Variants in RYR1 observed in about 807,000 individuals in gnomAD.
RYR1 encodes central core disease of muscle.
RYR1 carries 342 observed loss-of-function variants against 583.5 expected under a neutral mutation model. That is an observed-to-expected ratio of 0.59 (90% CI 0.54 to 0.64). The LOEUF is 0.64. RYR1 is among the 30% of genes least tolerant of loss of function. The pLI is 0.00. For synonymous variants in RYR1, 2,791 were observed against 2,822.5 expected, an observed-to-expected ratio of 0.99 and a Z score of 0.35; for missense variants, 6,032 against 6,917.2, an observed-to-expected ratio of 0.87 and a Z score of 4.54.
chr19:38,514,933 C>G, intron 63 of RYR1, 93 bp from the exon 64 acceptor site: 1 of 820,556 alleles, frequency 1.2e-6, no homozygotes, highest in South Asian at 1.4e-5. Context: ...TTGCTCTTCC[C>G]CACTGCATGG....
At position 38,483,405 on chromosome 19, in the gene RYR1, C is replaced by T; in HGVS notation, c.4823C>T (p.Pro1608Leu). ...MLMPVSWSRM[P>L]NHFLQVETRR... The stretch of plus-strand genomic sequence containing the variant: ...ATGCCAGTGTCCTGGAGCCGCATGC[C>T]CAACCACTTCCTGCAGGTGGAGACG... The change falls in exon 33 of 106, where the codon CCC becomes CTC. Residue 1608 changes from proline (P) to leucine (L), a missense_variant. Around this residue, in one of 11 missense-constraint regions of RYR1, gnomAD observed 2,627 missense variants for 2,961.3 expected, o/e 0.89. Coordinates refer to ENST00000359596, the MANE Select transcript of RYR1 (RefSeq NM_000540.3). This position sits in a 1 kb window ranked among gnomAD's most constrained non-coding sequence, Gnocchi z 6.3. The T allele has an allele frequency of 6.4e-7, 1 of 1,574,108 alleles. No individual in the cohort carries two copies. The highest frequency in any genetic ancestry group is 8.6e-7 in the Non-Finnish European group (1 of 1,161,208).
At chr19:38,525,076 C>T (rs1971406230) in intron 70 of RYR1, among the ~76,000 whole-genome samples, 1 of 152,086 alleles carries the variant, frequency 6.6e-6, no homozygotes, top group Admixed American at 6.6e-5. Context: ...GACACCATCT[C>T]TAAAAATAAA....
chr19:38,433,869 C>A lies in RYR1; in HGVS notation c.40C>A (p.Arg14=), dbSNP rs200665559. 3 of 1,613,040 alleles carry A rather than the reference C, an allele frequency of 1.9e-6. No individual in the cohort carries two copies. The highest frequency in any genetic ancestry group is 2.5e-6 in the Non-Finnish European group (3 of 1,179,374). The change falls in exon 1 of 106, where the codon CGG becomes AGG. Residue 14 remains arginine (R), a synonymous_variant. Coordinates refer to ENST00000359596, the MANE Select transcript of RYR1 (RefSeq NM_000540.3). ...AGGCGAAGACGAGGTCCAGTTCCTG[C>A]GGACGGTGCGTATCTCTGGGTTAGG... is the stretch of plus-strand genomic sequence containing the variant. ...AEGEDEVQFL[R]TDDEVVLQCS...
At chr19:38,525,238 C>T in intron 70 of RYR1, 94 bp from the exon 71 acceptor site, 1 of 1,497,208 alleles carries the variant, frequency 6.7e-7, no homozygotes, top group East Asian at 2.3e-5. Context: ...GCCTGGTGTC[C>T]AGACTGGGGC....
chr19:38,553,023 TACTC>T lies in RYR1; in HGVS notation c.12282+4606_12282+4609del, dbSNP rs1337888555. On this transcript the variant is annotated intron_variant, in intron 89 of 105. Coordinates refer to ENST00000359596, the MANE Select transcript of RYR1 (RefSeq NM_000540.3). ...TCATTTTATTTTTTGAATATATAAT[TACTC>T]ACGATTTTAAAAATCAAAATATAGG... Among the ~76,000 whole-genome samples, 20 of 152,222 alleles carry T rather than the reference TACTC, an allele frequency of 1.3e-4. No individual in the cohort carries two copies. In the South Asian group the frequency reaches 3.9e-3, roughly 30 times the overall value.
intron 78 of RYR1, among the ~76,000 whole-genome samples, chr19:38,533,800 G>T (rs927613929): frequency 6.1e-5 from 9 of 147,890 alleles, no homozygotes; most frequent in Non-Finnish European, 8.9e-5. Context: ...AAAAAAAAAA[G>T]ATCTAGCAGT....
intron 81 of RYR1, 168 bp from the exon 82 acceptor site, chr19:38,535,829 T>C: frequency 1.4e-6 from 1 of 720,500 alleles, no homozygotes; most frequent in Admixed American, 2.0e-5. Context: ...GGCCCAACCA[T>C]ATGTCCTAGC....
Position 38,496,814 on chromosome 19 carries a change from G to C in RYR1, c.6797-46G>C. 2 of 1,564,682 alleles carry C rather than the reference G, an allele frequency of 1.3e-6. No individual in the cohort carries two copies. Among genetic ancestry groups the C allele is most frequent in the Non-Finnish European group, 1.8e-6 (2 of 1,136,050 alleles). Reference sequence around the variant, plus strand: ...TCAGGGAGGGCTTCCCAGAGGAGGCGAGACAAGCAGGAGTGAGATGTTCTC... The same window carrying C: ...TCAGGGAGGGCTTCCCAGAGGAGGCCAGACAAGCAGGAGTGAGATGTTCTC... On this transcript the variant is annotated intron_variant, in intron 41 of 105. Coordinates refer to ENST00000359596, the MANE Select transcript of RYR1 (RefSeq NM_000540.3). This position sits in a 1 kb window ranked among gnomAD's most constrained non-coding sequence, Gnocchi z 4.8.
rs1413644550 is a variant in RYR1 at position 38,565,502 on chromosome 19, G to C, written c.13168G>C (p.Glu4390Gln). 6.1e-5 allele frequency: 92 copies of C among 1,504,678 alleles called. No individual in the cohort carries two copies. Among genetic ancestry groups the C allele is most frequent in the Non-Finnish European group, 7.1e-5 (80 of 1,134,298 alleles). The allele number at this position is 1,504,678 out of a possible 1,614,324, so 93.2% of individuals were successfully genotyped here. A position where few individuals can be genotyped will look rare whatever the true frequency, so the allele number is the denominator to read the frequency against. ...LAGMPDPTSD[E>Q]VHGEQPAGPG... is the part of the protein sequence containing the mutation. ...AGGCATGCCCGACCCCACCAGCGAC[G>C]AGGTGCACGGCGAGCAGCCGGCCGG... The change falls in exon 91 of 106, where the codon GAG becomes CAG. Residue 4390 changes from glutamate to glutamine, a missense_variant. Physicochemically the swap from Glu to Gln is conservative, Grantham distance 29. Transcript: ENST00000359596. The surrounding 1 kb of genome is among the most constrained non-coding windows in gnomAD (Gnocchi z 4.7).
intron 64 of RYR1, 112 bp downstream of exon 64, chr19:38,515,219 G>T: frequency 2.3e-6 from 2 of 855,166 alleles, no homozygotes; most frequent in South Asian, 1.4e-5. Flanking sequence ...GAATTTTCCC[G>T]CACACGGCGG....
At chr19:38,484,794 C>T (rs1316451910) in intron 33 of RYR1, among the ~76,000 whole-genome samples, 1 of 152,054 alleles carries the variant, frequency 6.6e-6, no homozygotes, top group South Asian at 2.1e-4. Context: ...ACAGTGAGAA[C>T]CCGTCTCCAC....
At position 38,451,894 on chromosome 19, in the gene RYR1, C is replaced by T; in HGVS notation, c.1244+9C>T. On this transcript the variant is annotated intron_variant, in intron 12 of 105. Coordinates refer to ENST00000359596, the MANE Select transcript of RYR1 (RefSeq NM_000540.3). ...TACAACCAGTTCATCAAGTGAGCAA[C>T]CTGCCCTCCCTGCTGGGGTGACTCC... 6.2e-7 allele frequency: 1 copy of T among 1,614,080 alleles called. No individual in the cohort carries two copies. The highest frequency in any genetic ancestry group is 8.5e-7 in the Non-Finnish European group (1 of 1,179,970).
At chr19:38,534,579 C>T in intron 78 of RYR1, 141 bp from the exon 79 acceptor site, 2 of 744,990 alleles carry the variant, frequency 2.7e-6, no homozygotes, top group Non-Finnish European at 2.4e-6. Flanking sequence ...GGTGTGAGCC[C>T]CAGGGGATGG....
intron 99 of RYR1, among the ~76,000 whole-genome samples, chr19:38,579,192 G>A (rs374634063): frequency 5.9e-5 from 9 of 152,212 alleles, no homozygotes; most frequent in African/African-American, 2.2e-4. Flanking sequence ...TTGGGAGGCC[G>A]AGGTGGGTGG....
intron 81 of RYR1, 73 bp from the exon 82 acceptor site, chr19:38,535,924 G>C (rs1971942611): frequency 2.9e-6 from 4 of 1,378,824 alleles, no homozygotes; most frequent in South Asian, 1.2e-5. Context: ...ATGGTGGGGA[G>C]CTGCCAGGCC....
In RYR1 at chr19:38,444,752, C is replaced by A; in HGVS notation, c.631+75C>A. 2 of 1,141,086 alleles carry A rather than the reference C, an allele frequency of 1.8e-6. No homozygotes were observed. The highest frequency in any genetic ancestry group is 1.3e-6 in the Non-Finnish European group (1 of 769,374). 70.7% of individuals were successfully genotyped at this position (1,141,086 alleles called of 1,614,324 possible). ...CTTAATGTTGCCCTTCAGGCATACC[C>A]AAATGGAGCCTTGGAACCTCAGACC... On this transcript the variant is annotated intron_variant, in intron 7 of 105. Coordinates refer to ENST00000359596, the MANE Select transcript of RYR1 (RefSeq NM_000540.3). This position sits in a 1 kb window ranked among gnomAD's most constrained non-coding sequence, Gnocchi z 5.1.
At chr19:38,491,531 C>G (rs1218411191) in intron 37 of RYR1, among the ~76,000 whole-genome samples, 1 of 151,818 alleles carries the variant, frequency 6.6e-6, no homozygotes, top group Admixed American at 6.6e-5. Context: ...TGGGCTCAAG[C>G]CATCCTCCTA....
intron 9 of RYR1, 55 bp downstream of exon 9, chr19:38,446,823 C>T: frequency 7.0e-7 from 1 of 1,438,728 alleles, no homozygotes; most frequent in East Asian, 2.3e-5. Flanking sequence ...ACCTGGCAGG[C>T]TGGGAGGACA....
chr19:38,501,050 G>A, intron 47 of RYR1, 60 bp downstream of exon 47: 1 of 1,551,168 alleles, frequency 6.4e-7, no homozygotes, highest in Non-Finnish European at 8.8e-7. Flanking sequence ...CAGGAGATGG[G>A]TCACGGTAGA....
Sources: allele counts gnomAD v4.1 joint callset (sites outside exome capture counted in the v4.1 genomes callset), GRCh38; gene constraint gnomAD v4.1.1; regional missense constraint gnomAD v4.1.1; non-coding constraint Gnocchi (gnomAD v3.1); transcripts MANE v1.5; gene names NCBI Gene and HGNC (gene_info 2026-07-23, HGNC 2026-07-21).